SKI: variants seen among roughly 807,000 people sequenced by gnomAD.
SKI encodes SKI proto-oncogene.
A neutral mutation model predicts 59.3 loss-of-function variants in SKI; 23 were observed. The ratio of observed to expected loss-of-function variants is 0.39; its 90% CI spans 0.28 to 0.55. SKI has a LOEUF of 0.55. Among genes scored for constraint, SKI ranks in the 20% least tolerant of loss-of-function variants. SKI has a pLI of 0.67. For synonymous variants in SKI, 673 were observed against 488.6 expected, an observed-to-expected ratio of 1.38 and a Z score of -4.98; for missense variants, 1,017 against 1,038.9, an observed-to-expected ratio of 0.98 and a Z score of 0.29.
intron 1 of SKI, among the ~76,000 whole-genome samples, chr1:2,239,905 G>A (rs1287240342): frequency 3.3e-5 from 5 of 152,214 alleles, no homozygotes; most frequent in Non-Finnish European, 7.3e-5. Flanking sequence ...CTTCAGCTGC[G>A]TCCTTTGCGG....
rs1569769720 is a variant in SKI, at chr1:2,268,759, T to G, written c.970-34219T>G. Reference sequence around the variant, plus strand: ...GTCCAGGGAGAGGCCATGACAGGAGTGGGTGTGGGGACTGGTGGGGACAGC... The same window carrying G: ...GTCCAGGGAGAGGCCATGACAGGAGGGGGTGTGGGGACTGGTGGGGACAGC... On this transcript the variant is annotated intron_variant, in intron 1 of 6. Transcript: ENST00000378536. The surrounding 1 kb of genome is among the most constrained non-coding windows in gnomAD (Gnocchi z 5.0). 2.0e-5 allele frequency among the ~76,000 whole-genome samples: 3 copies of G among 151,830 alleles called. No individual in the cohort carries two copies. Among genetic ancestry groups the G allele is most frequent in the Admixed American group, 2.0e-4 (3 of 15,244 alleles).
In SKI at chr1:2,295,941, C is replaced by T. The variant is rs963100883; in HGVS notation, c.970-7037C>T. Among the ~76,000 whole-genome samples, 10 of 152,278 alleles carry T rather than the reference C, an allele frequency of 6.6e-5. No homozygotes were observed. The South Asian group carries it at 1.5e-3, about 22-fold the overall frequency. On this transcript the variant is annotated intron_variant, in intron 1 of 6. Coordinates refer to ENST00000378536, the MANE Select transcript of SKI (RefSeq NM_003036.4). ...TGTTTTCAGTAACCTGCGTGTACGCCGAGGACTGGAATTGCTGGGCGATGT... is the reference window on the plus strand; with the variant it reads ...TGTTTTCAGTAACCTGCGTGTACGCTGAGGACTGGAATTGCTGGGCGATGT...
rs981226930 is a variant in SKI, at chr1:2,306,775, C to T, written c.*10C>T. ...GGAGCTGGAGCCGTAGATTCCGTGC[C>T]TGCCGCCGCAGCGCCGCCGACAACG... On this transcript the variant is annotated 3_prime_UTR_variant, in exon 7 of 7. Coordinates refer to ENST00000378536, the MANE Select transcript of SKI (RefSeq NM_003036.4). 2.0e-6 allele frequency: 3 copies of T among 1,498,092 alleles called. No individual in the cohort carries two copies. 92.8% of individuals were successfully genotyped at this position (1,498,092 alleles called of 1,614,324 possible).
rs1461045103 is a variant in SKI at position 2,288,052 on chromosome 1, G to A, written c.970-14926G>A. On this transcript the variant is annotated intron_variant, in intron 1 of 6. Transcript: ENST00000378536. ...TGCCCAGGCTGGACTGCAATGGCAC[G>A]ATCTCGGCTCACCCCAACCTCCACC... Among the ~76,000 whole-genome samples the A allele has an allele frequency of 2.0e-5, 3 of 151,690 alleles. No homozygotes were observed. The East Asian group carries it at 5.8e-4, about 29-fold the overall frequency.
intron 1 of SKI, among the ~76,000 whole-genome samples, chr1:2,302,540 C>T (rs1640450790): frequency 6.6e-6 from 1 of 152,026 alleles, no homozygotes; most frequent in South Asian, 2.1e-4. Flanking sequence ...GCTGGTTGAG[C>T]TGAGTGCCCA....
At chr1:2,294,619 C>G (rs1332418394) in intron 1 of SKI, among the ~76,000 whole-genome samples, 2 of 152,280 alleles carry the variant, frequency 1.3e-5, no homozygotes, top group African/African-American at 4.8e-5. Flanking sequence ...ATGCCAGCCC[C>G]TTGGTCTTGC....
At chr1:2,304,682 G>A (rs2100920745) in intron 5 of SKI, 97 bp downstream of exon 5, 1 of 1,457,230 alleles carries the variant, frequency 6.9e-7, no homozygotes. Context: ...CTCCCTTCCT[G>A]GCTGCCCCAT....
chr1:2,309,414 T>G lies in SKI; in HGVS notation c.*2649T>G, dbSNP rs1342999675. On this transcript the variant is annotated 3_prime_UTR_variant, in exon 7 of 7. Coordinates refer to ENST00000378536, the MANE Select transcript of SKI (RefSeq NM_003036.4). ...GCTAACTCATACACGTAATGTCTGC[T>G]TTTCGTACAGAACTAGCCAATGTAA... 1.3e-5 allele frequency: 2 copies of G among 152,314 alleles called. No individual in the cohort carries two copies. Among genetic ancestry groups the G allele is most frequent in the South Asian group, 2.1e-4 (1 of 4,830 alleles). The allele number at this position is 152,314 out of a possible 1,614,324, so 9.4% of individuals were successfully genotyped here.
At chr1:2,274,325 G>A (rs57755752) in intron 1 of SKI, among the ~76,000 whole-genome samples, 2,733 of 152,208 alleles carry the variant, frequency 0.018, 94 homozygotes, top group African/African-American at 0.062. Context: ...TGGGGCTGCC[G>A]GCTCACGGTT....
intron 1 of SKI, among the ~76,000 whole-genome samples, chr1:2,247,299 G>A (rs570001069): frequency 6.7e-6 from 1 of 149,470 alleles, no homozygotes; most frequent in African/African-American, 2.5e-5. Flanking sequence ...GGAGAGGGAA[G>A]GGCCTGGGTC....
chr1:2,264,363 G>C (rs1198366672), intron 1 of SKI, among the ~76,000 whole-genome samples: 1 of 152,052 alleles, frequency 6.6e-6, no homozygotes, highest in Non-Finnish European at 1.5e-5. Context: ...TCTGCCTCTG[G>C]GTTCAAGTGA....
chr1:2,286,223 C>T (rs1053851571), intron 1 of SKI, among the ~76,000 whole-genome samples: 3 of 152,160 alleles, frequency 2.0e-5, no homozygotes, highest in Non-Finnish European at 2.9e-5. Context: ...AAATGCAGGT[C>T]GGGTGCAGTG....
Position 2,268,026 on chromosome 1 carries a change from C to T in SKI, c.970-34952C>T, listed in dbSNP as rs965715024. On this transcript the variant is annotated intron_variant, in intron 1 of 6. Transcript: ENST00000378536. This position sits in a 1 kb window ranked among gnomAD's most constrained non-coding sequence, Gnocchi z 5.0. ...CCGCCACCCCTCTGTGGACGCTACT[C>T]ACCCTTAGAAGCAGGTTCCCACAGG... 6.6e-6 allele frequency among the ~76,000 whole-genome samples: 1 copy of T among 152,174 alleles called. No homozygotes were observed. The highest frequency in any genetic ancestry group is 6.5e-5 in the Admixed American group (1 of 15,286).
intron 1 of SKI, among the ~76,000 whole-genome samples, chr1:2,245,637 A>T (rs1308373682): frequency 6.6e-6 from 1 of 151,274 alleles, no homozygotes; most frequent in East Asian, 2.0e-4. Context: ...CACCATGCCC[A>T]GCTGATTTTT....
chr1:2,253,392 C>T (rs910884677), intron 1 of SKI, among the ~76,000 whole-genome samples: 3 of 152,242 alleles, frequency 2.0e-5, no homozygotes, highest in African/African-American at 7.2e-5. Context: ...TGGAGTTATC[C>T]ATAAAGGGGG....
chr1:2,306,751 G>GC lies in SKI; in HGVS notation c.2173_2174insC (p.Glu725AlafsTer104), dbSNP rs1437491360. 1 of 1,523,008 alleles carries GC rather than the reference G, an allele frequency of 6.6e-7. No homozygotes were observed. Among genetic ancestry groups the GC allele is most frequent in the Non-Finnish European group, 8.8e-7 (1 of 1,138,424 alleles). 94.3% of individuals were successfully genotyped at this position (1,523,008 alleles called of 1,614,324 possible). The stretch of plus-strand genomic sequence containing the variant: ...GGCTGCGGGCAGCGAGGGCGCTGCG[G>GC]AGCTGGAGCCGTAGATTCCGTGCCT... On this transcript the variant is annotated frameshift_variant, in exon 7 of 7. Coordinates refer to ENST00000378536, the MANE Select transcript of SKI (RefSeq NM_003036.4). LOFTEE classifies it high-confidence loss of function.
At chr1:2,287,633 C>G in intron 1 of SKI, among the ~76,000 whole-genome samples, 1 of 152,142 alleles carries the variant, frequency 6.6e-6, no homozygotes, top group East Asian at 1.9e-4. Context: ...GGGGTGGTCT[C>G]TGTCTCAAGG....
intron 1 of SKI, among the ~76,000 whole-genome samples, chr1:2,274,229 CT>C (rs1639692826): frequency 6.6e-6 from 1 of 151,998 alleles, no homozygotes; most frequent in Non-Finnish European, 1.5e-5. Flanking sequence ...CCATGGCAGG[CT>C]TTTTATTGGT....
Position 2,310,185 on chromosome 1 carries a change from A to G in SKI, c.*3420A>G, listed in dbSNP as rs1265387631. Reference sequence around the variant, plus strand: ...TCCTTCCCCGACCCCGAAACAGATGACATTGTACAATAAAGGACTTTGAGA... The same window carrying G: ...TCCTTCCCCGACCCCGAAACAGATGGCATTGTACAATAAAGGACTTTGAGA... On this transcript the variant is annotated 3_prime_UTR_variant, in exon 7 of 7. Coordinates refer to ENST00000378536, the MANE Select transcript of SKI (RefSeq NM_003036.4). 6.6e-6 allele frequency: 1 copy of G among 152,108 alleles called. No individual in the cohort carries two copies. The highest frequency in any genetic ancestry group is 1.5e-5 in the Non-Finnish European group (1 of 68,038). 9.4% of individuals were successfully genotyped at this position (152,108 alleles called of 1,614,324 possible).
Sources: allele counts gnomAD v4.1 joint callset (sites outside exome capture counted in the v4.1 genomes callset), GRCh38; gene constraint gnomAD v4.1.1; non-coding constraint Gnocchi (gnomAD v3.1); transcripts MANE v1.5; gene names NCBI Gene and HGNC (gene_info 2026-07-23, HGNC 2026-07-21).